The following NMNAT3 variants were observed in gnomAD, a reference collection of about 807,000 sequenced individuals.
The protein encoded by NMNAT3 is nicotinamide nucleotide adenylyltransferase 3.
NMNAT3 carries 21 observed loss-of-function variants against 24.8 expected under a neutral mutation model. The observed-to-expected ratio is 0.85, with a 90% CI of 0.60 to 1.22. The LOEUF (loss-of-function observed/expected upper bound fraction) is 1.22, where lower values mean the gene tolerates loss of function less well. NMNAT3 is among the 50% of genes most tolerant of loss of function. NMNAT3 has a pLI of 0.00. For missense variants in NMNAT3, 387 were observed against 436.6 expected (o/e 0.89, Z 1.01); for synonymous variants, 136 against 155.2 (o/e 0.88, Z 0.92).
At chr3:139,660,875 T>C (rs528165060) in intron 1 of NMNAT3, among the ~76,000 whole-genome samples, 10 of 152,278 alleles carry the variant, frequency 6.6e-5, no homozygotes, top group Non-Finnish European at 1.5e-4. Flanking sequence ...GTTTGAAAAA[T>C]GAACTTTCAT....
chr3:139,566,312 T>A (rs1399829337), intron 6 of NMNAT3: 1 of 152,022 alleles, frequency 6.6e-6, no homozygotes, highest in Non-Finnish European at 1.5e-5. Flanking sequence ...TTCTGTAAGT[T>A]ACCTGTTCAC....
At chr3:139,620,846 T>C (rs2055736474) in intron 3 of NMNAT3, among the ~76,000 whole-genome samples, 1 of 152,238 alleles carries the variant, frequency 6.6e-6, no homozygotes, top group Non-Finnish European at 1.5e-5. Context: ...TATGACATTG[T>C]GCAGTGGTGC....
intron 2 of NMNAT3, among the ~76,000 whole-genome samples, chr3:139,633,809 C>G (rs2056396523): frequency 6.6e-6 from 1 of 152,022 alleles, no homozygotes; most frequent in African/African-American, 2.4e-5. Flanking sequence ...CACGAGGGAC[C>G]CTGGGTGCCT....
intron 3 of NMNAT3, among the ~76,000 whole-genome samples, chr3:139,615,075 TA>T (rs2055421423): frequency 6.6e-6 from 1 of 152,246 alleles, no homozygotes; most frequent in Non-Finnish European, 1.5e-5. Context: ...AAATGAGTTA[TA>T]ATCCCTTATT....
rs1275895754 is a variant in NMNAT3, at chr3:139,560,805, T to C, written c.*205A>G. ...ACACCATTTTAACTTCTTTGATAAA[T>C]GTCTATCCTTGTGATTTAGACCTTT... On this transcript the variant is annotated 3_prime_UTR_variant, in exon 7 of 7. Transcript: ENST00000643695. 2 of 570,780 alleles carry C rather than the reference T, an allele frequency of 3.5e-6. No individual in the cohort carries two copies. Among genetic ancestry groups the C allele is most frequent in the Non-Finnish European group, 6.2e-6 (2 of 324,776 alleles). The allele number at this position is 570,780 out of a possible 1,614,324, so 35.4% of individuals were successfully genotyped here. A position where few individuals can be genotyped will look rare whatever the true frequency, so the allele number is the denominator to read the frequency against.
intron 3 of NMNAT3, among the ~76,000 whole-genome samples, chr3:139,594,985 T>A (rs1267203854): frequency 2.6e-5 from 4 of 152,170 alleles, no homozygotes; most frequent in African/African-American, 7.2e-5. Flanking sequence ...GAGAAGGAAA[T>A]AAAGGGTATT....
intron 3 of NMNAT3, among the ~76,000 whole-genome samples, chr3:139,591,450 A>C (rs2054173650): frequency 6.6e-6 from 1 of 152,102 alleles, no homozygotes; most frequent in Non-Finnish European, 1.5e-5. Context: ...GGAAGCTCGA[A>C]CTGGGTGGAG....
intron 1 of NMNAT3, among the ~76,000 whole-genome samples, chr3:139,645,750 A>G (rs959175799): frequency 6.6e-6 from 1 of 152,206 alleles, no homozygotes; most frequent in South Asian, 2.1e-4. Flanking sequence ...ACTGAGGAGT[A>G]TAGTTTTTTT....
At chr3:139,592,256 G>A (rs1470941352) in intron 3 of NMNAT3, among the ~76,000 whole-genome samples, 9 of 152,228 alleles carry the variant, frequency 5.9e-5, no homozygotes, top group African/African-American at 2.2e-4. Flanking sequence ...AAGTGAGAAG[G>A]GAAGTTTAGA....
intron 1 of NMNAT3, among the ~76,000 whole-genome samples, chr3:139,670,811 C>T (rs925466743): frequency 6.6e-6 from 1 of 152,158 alleles, no homozygotes; most frequent in African/African-American, 2.4e-5. Context: ...GCTCTGAAGG[C>T]TGCAATTCCA....
At chr3:139,564,876 T>TA (rs1222770821) in intron 6 of NMNAT3, among the ~76,000 whole-genome samples, 1 of 152,234 alleles carries the variant, frequency 6.6e-6, no homozygotes, top group Non-Finnish European at 1.5e-5. Context: ...ATGGAATGTA[T>TA]GGAAAATATG....
intron 3 of NMNAT3, chr3:139,583,393 G>T: frequency 1.3e-6 from 2 of 1,570,542 alleles, no homozygotes; most frequent in Non-Finnish European, 1.8e-6. Flanking sequence ...TAGAGCAGTA[G>T]AACATTCTGG....
chr3:139,670,961 C>G (rs936062324), intron 1 of NMNAT3, among the ~76,000 whole-genome samples: 1 of 152,156 alleles, frequency 6.6e-6, no homozygotes, highest in South Asian at 2.1e-4. Flanking sequence ...GAGTGTATCT[C>G]TGGACTGGAA....
intron 3 of NMNAT3, among the ~76,000 whole-genome samples, chr3:139,618,791 G>A (rs1015994897): frequency 2.0e-5 from 3 of 152,132 alleles, no homozygotes; most frequent in South Asian, 2.1e-4. Flanking sequence ...GTTATGGCTC[G>A]GTGCACAGAT....
chr3:139,617,633 A>G (rs1304632104), intron 3 of NMNAT3, among the ~76,000 whole-genome samples: 1 of 152,250 alleles, frequency 6.6e-6, no homozygotes, highest in Admixed American at 6.5e-5. Context: ...TTAACTAAAT[A>G]AGTATTAACT....
At chr3:139,663,067 G>A (rs1229989892) in intron 1 of NMNAT3, among the ~76,000 whole-genome samples, 2 of 152,230 alleles carry the variant, frequency 1.3e-5, no homozygotes, top group Admixed American at 1.3e-4. Context: ...GAAGTCAGAA[G>A]TCCAAAAGGG....
chr3:139,585,990 G>A (rs2053922557), intron 3 of NMNAT3, among the ~76,000 whole-genome samples: 1 of 152,210 alleles, frequency 6.6e-6, no homozygotes. Context: ...CAAAGCTTAA[G>A]TGAGCCGTTC....
chr3:139,616,528 T>G (rs1339239615), intron 3 of NMNAT3, among the ~76,000 whole-genome samples: 2 of 152,130 alleles, frequency 1.3e-5, no homozygotes, highest in Non-Finnish European at 2.9e-5. Flanking sequence ...TTCTGATAGG[T>G]CTCTCAAACT....
chr3:139,609,961 A>G (rs2055130848), intron 3 of NMNAT3: 1 of 152,266 alleles, frequency 6.6e-6, no homozygotes, highest in African/African-American at 2.4e-5. Flanking sequence ...GGAATAAGAC[A>G]GTAAAACTAA....
Sources: allele counts gnomAD v4.1 joint callset (sites outside exome capture counted in the v4.1 genomes callset), GRCh38; gene constraint gnomAD v4.1.1; transcripts MANE v1.5; gene names NCBI Gene and HGNC (gene_info 2026-07-23, HGNC 2026-07-21).